EEFSEC: variants seen among roughly 807,000 people sequenced by gnomAD.
The protein encoded by EEFSEC is selenocysteine-specific elongation factor.
Under a neutral mutation model 42.1 loss-of-function variants are expected in EEFSEC, and 43 were observed. The ratio of observed to expected loss-of-function variants is 1.02; its 90% CI spans 0.80 to 1.32. The LOEUF (loss-of-function observed/expected upper bound fraction) is 1.32. Ranked by LOEUF, EEFSEC falls within the 40% of genes most tolerant of loss-of-function variation. EEFSEC has a pLI of 0.00. For missense variants in EEFSEC, 745 were observed against 803.6 expected (o/e 0.93, Z 0.88); for synonymous variants, 354 against 339.1 (o/e 1.04, Z -0.48).
intron 1 of EEFSEC, among the ~76,000 whole-genome samples, chr3:128,181,761 G>C (rs1355291664): frequency 6.6e-6 from 1 of 152,118 alleles, no homozygotes; most frequent in Non-Finnish European, 1.5e-5. Context: ...AGCAATACAG[G>C]GTTAATGTTG....
chr3:128,297,771 G>A (rs1041815097), intron 4 of EEFSEC, among the ~76,000 whole-genome samples: 1 of 5,128 alleles, frequency 2.0e-4, no homozygotes, highest in Non-Finnish European at 9.6e-4. Context: ...TCAACATGTT[G>A]TTATAAAATT....
intron 1 of EEFSEC, among the ~76,000 whole-genome samples, chr3:128,168,175 T>C (rs148123066): frequency 5.7e-4 from 87 of 152,318 alleles, no homozygotes; most frequent in African/African-American, 1.9e-3. Flanking sequence ...AATGCAAGCC[T>C]GTGGCTGATG....
chr3:128,400,733 T>C (rs142026019), intron 6 of EEFSEC, among the ~76,000 whole-genome samples: 249 of 152,326 alleles, frequency 1.6e-3, no homozygotes, highest in African/African-American at 5.3e-3. Flanking sequence ...ACGCCAGCAA[T>C]TGGAGGCAAT....
chr3:128,383,962 G>C (rs946004179), intron 6 of EEFSEC, among the ~76,000 whole-genome samples: 35 of 152,246 alleles, frequency 2.3e-4, no homozygotes, highest in African/African-American at 8.4e-4. Context: ...TAGAAGTTCA[G>C]AACTGTATGT....
intron 1 of EEFSEC, among the ~76,000 whole-genome samples, chr3:128,190,234 G>A (rs1390217653): frequency 2.0e-5 from 3 of 152,202 alleles, no homozygotes; most frequent in African/African-American, 7.2e-5. Flanking sequence ...ATGTATCCAG[G>A]AGAAGGCATT....
At chr3:128,351,550 A>G (rs962952726) in intron 5 of EEFSEC, among the ~76,000 whole-genome samples, 6 of 152,164 alleles carry the variant, frequency 3.9e-5, no homozygotes, top group Non-Finnish European at 7.3e-5. Flanking sequence ...GCTCCATTTC[A>G]TGGCACGTTT....
chr3:128,189,677 C>T (rs2065501882), intron 1 of EEFSEC, among the ~76,000 whole-genome samples: 1 of 151,872 alleles, frequency 6.6e-6, no homozygotes, highest in South Asian at 2.1e-4. Flanking sequence ...CCCACCTCAG[C>T]CTCCTGAGTA....
At chr3:128,370,533 A>G (rs2067641478) in intron 6 of EEFSEC, among the ~76,000 whole-genome samples, 1 of 152,124 alleles carries the variant, frequency 6.6e-6, no homozygotes, top group South Asian at 2.1e-4. Flanking sequence ...ATCTAGGGAT[A>G]TCCTACCCCT....
At chr3:128,270,967 C>T (rs563726774) in intron 4 of EEFSEC, among the ~76,000 whole-genome samples, 4 of 152,262 alleles carry the variant, frequency 2.6e-5, no homozygotes, top group African/African-American at 9.6e-5. Context: ...TTTGTATTCT[C>T]GGCATCCATC....
chr3:128,209,072 G>C (rs1271056677), intron 1 of EEFSEC, among the ~76,000 whole-genome samples: 1 of 152,184 alleles, frequency 6.6e-6, no homozygotes, highest in African/African-American at 2.4e-5. Context: ...TTCTAGGCCA[G>C]CGTTTCCCAA....
At chr3:128,153,909 C>G (rs1944311544) in intron 1 of EEFSEC, 86 bp downstream of exon 1, 3 of 1,415,386 alleles carry the variant, frequency 2.1e-6, no homozygotes, top group Non-Finnish European at 2.7e-6. Context: ...GAGCCTTTGC[C>G]GGGACGGGAA....
At chr3:128,387,947 T>C (rs892678721) in intron 6 of EEFSEC, among the ~76,000 whole-genome samples, 5 of 152,150 alleles carry the variant, frequency 3.3e-5, no homozygotes, top group Admixed American at 2.0e-4. Context: ...ACTGGATGGC[T>C]ATTTAGGCAT....
chr3:128,356,091 T>A (rs2067449876), intron 5 of EEFSEC, among the ~76,000 whole-genome samples: 3 of 152,256 alleles, frequency 2.0e-5, no homozygotes, highest in Admixed American at 1.3e-4. Flanking sequence ...TCTGTTATTT[T>A]CCTGTAGTAC....
intron 4 of EEFSEC, among the ~76,000 whole-genome samples, chr3:128,335,585 G>A (rs906050143): frequency 1.3e-5 from 2 of 152,228 alleles, no homozygotes; most frequent in South Asian, 4.1e-4. Flanking sequence ...GTGTGGCATT[G>A]TGAGTCCTGG....
At chr3:128,178,753 CT>C (rs1440559912) in intron 1 of EEFSEC, among the ~76,000 whole-genome samples, 1 of 152,188 alleles carries the variant, frequency 6.6e-6, no homozygotes, top group Non-Finnish European at 1.5e-5. Context: ...AACCTTTTCA[CT>C]TTACCACAGA....
chr3:128,367,915 C>T lies in EEFSEC; in HGVS notation c.1600+9542C>T, dbSNP rs2067609317. On this transcript the variant is annotated intron_variant, in intron 6 of 6. Coordinates refer to ENST00000254730, the MANE Select transcript of EEFSEC (RefSeq NM_021937.5). Reference sequence around the variant, plus strand: ...GGCTCTGCTGAAAAGCTGCCTCCTGCGATCACTTGCCTAATGGTTCTTCCT... The same window carrying T: ...GGCTCTGCTGAAAAGCTGCCTCCTGTGATCACTTGCCTAATGGTTCTTCCT... The T allele has an allele frequency of 1.3e-5, 12 of 895,234 alleles. 1 individual carries two copies. The South Asian group carries it at 3.6e-4, about 27-fold the overall frequency. 55.5% of individuals were successfully genotyped at this position (895,234 alleles called of 1,614,324 possible). A position where few individuals can be genotyped will look rare whatever the true frequency, so the allele number is the denominator to read the frequency against.
intron 4 of EEFSEC, among the ~76,000 whole-genome samples, chr3:128,313,624 C>T (rs1238043014): frequency 6.6e-6 from 1 of 152,210 alleles, no homozygotes; most frequent in Non-Finnish European, 1.5e-5. Flanking sequence ...GGGGCTTTGG[C>T]AAGTCAGGCT....
At chr3:128,198,294 G>A (rs1043756440) in intron 1 of EEFSEC, among the ~76,000 whole-genome samples, 9 of 152,174 alleles carry the variant, frequency 5.9e-5, no homozygotes, top group African/African-American at 2.2e-4. Flanking sequence ...GACTTGTACC[G>A]TTTCTGAGTT....
intron 6 of EEFSEC, chr3:128,367,915 C>A: frequency 2.2e-6 from 2 of 895,236 alleles, no homozygotes; most frequent in Non-Finnish European, 2.7e-6. Flanking sequence ...CTGCCTCCTG[C>A]GATCACTTGC....
Sources: allele counts gnomAD v4.1 joint callset (sites outside exome capture counted in the v4.1 genomes callset), GRCh38; gene constraint gnomAD v4.1.1; transcripts MANE v1.5; gene names NCBI Gene and HGNC (gene_info 2026-07-23, HGNC 2026-07-21).